HACD2: variants seen among roughly 807,000 people sequenced by gnomAD.
The protein encoded by HACD2 is very-long-chain (3R)-3-hydroxyacyl-CoA dehydratase 2.
HACD2 carries 15 observed loss-of-function variants against 31.0 expected under a neutral mutation model. That is an observed-to-expected ratio of 0.48 (90% CI 0.32 to 0.75). HACD2 has a LOEUF of 0.75. HACD2 is among the 30% of genes least tolerant of loss of function. HACD2 has a pLI of 0.03. For synonymous variants in HACD2, 115 were observed against 122.2 expected (o/e 0.94, Z 0.39); for missense variants, 283 against 313.0 (o/e 0.90, Z 0.72).
At position 123,569,988 on chromosome 3, in the gene HACD2, C is replaced by CAAAAAAAAAA. The variant is rs55844728; in HGVS notation, c.274-2218_274-2209dup. 2.6e-4 allele frequency among the ~76,000 whole-genome samples: 10 copies of CAAAAAAAAAA among 38,712 alleles called. 2 individuals carry two copies. Among genetic ancestry groups the CAAAAAAAAAA allele is most frequent in the Non-Finnish European group, 3.5e-4 (7 of 20,222 alleles). The allele number at this position is 38,712 out of a possible 152,430, so 25.4% of individuals were successfully genotyped here. A position where few individuals can be genotyped will look rare whatever the true frequency, so the allele number is the denominator to read the frequency against. ...TGGGCGAGAGAGCAACACTCCATCT[C>CAAAAAAAAAA]AAAAAAAAAAAAAAAAAAAAAAAAA... On this transcript the variant is annotated intron_variant, in intron 2 of 6. Transcript: ENST00000383657.
intron 2 of HACD2, among the ~76,000 whole-genome samples, chr3:123,580,382 G>A (rs1469019068): frequency 1.3e-5 from 2 of 152,064 alleles, no homozygotes; most frequent in African/African-American, 4.8e-5. Flanking sequence ...AGGATGAGGT[G>A]GGAGGATGGC....
chr3:123,556,899 C>T (rs1249396998), intron 3 of HACD2, among the ~76,000 whole-genome samples: 1 of 152,252 alleles, frequency 6.6e-6, no homozygotes, highest in East Asian at 1.9e-4. Flanking sequence ...ACAACTACCA[C>T]TACACGCCTA....
At position 123,502,597 on chromosome 3, in the gene HACD2, G is replaced by T; in HGVS notation, c.466C>A (p.Leu156Ile). 1 of 1,611,240 alleles carries T rather than the reference G, an allele frequency of 6.2e-7. No individual in the cohort carries two copies. Among genetic ancestry groups the T allele is most frequent in the South Asian group, 1.1e-5 (1 of 90,164 alleles). The change falls in exon 5 of 7, where the codon CTA (leucine) becomes ATA (isoleucine). Residue 156 changes from leucine to isoleucine, a missense_variant. Coordinates refer to ENST00000383657, the MANE Select transcript of HACD2 (RefSeq NM_198402.5). Reference protein sequence around the residue: ...IIRYSFYTFSLLNHLPYLIKW... With the variant: ...IIRYSFYTFSILNHLPYLIKW... ...ATGAGGTAAGGCAGATGGTTTAATA[G>T]ACTGAATGTATAAAAGGAGTAACGG...
chr3:123,549,796 G>A (rs1432088781), intron 3 of HACD2, among the ~76,000 whole-genome samples: 1 of 152,108 alleles, frequency 6.6e-6, no homozygotes, highest in Non-Finnish European at 1.5e-5. Flanking sequence ...GCTGCTGCTT[G>A]CAGACTGACA....
At chr3:123,568,062 G>A (rs903525224) in intron 2 of HACD2, among the ~76,000 whole-genome samples, 7 of 152,102 alleles carry the variant, frequency 4.6e-5, no homozygotes, top group African/African-American at 1.7e-4. Context: ...AGATATCAAG[G>A]GCTCTTTCAT....
intron 2 of HACD2, among the ~76,000 whole-genome samples, chr3:123,571,252 T>C (rs1386868169): frequency 6.6e-6 from 1 of 152,224 alleles, no homozygotes; most frequent in Non-Finnish European, 1.5e-5. Flanking sequence ...GGCAGCATTC[T>C]TAAGGCGATC....
intron 2 of HACD2, among the ~76,000 whole-genome samples, chr3:123,581,562 G>C (rs1387802834): frequency 6.6e-6 from 1 of 152,172 alleles, no homozygotes; most frequent in African/African-American, 2.4e-5. Context: ...GAGAAAGCAA[G>C]AGAATCTGGC....
rs1047899827 is a variant in HACD2, at chr3:123,567,742, G to C, written c.292+20C>G. ...AAGCAGAATTCACTGTACATAGTAG[G>C]GGGGAATATCCATACTTACCTATAG... On this transcript the variant is annotated intron_variant, in intron 3 of 6. Transcript: ENST00000383657. 1.4e-6 allele frequency: 2 copies of C among 1,434,696 alleles called. No individual in the cohort carries two copies. Among genetic ancestry groups the C allele is most frequent in the Non-Finnish European group, 1.9e-6 (2 of 1,071,568 alleles). The allele number at this position is 1,434,696 out of a possible 1,614,324, so 88.9% of individuals were successfully genotyped here.
rs113037334 is a variant in HACD2 at position 123,540,194 on chromosome 3, T to C, written c.293-11720A>G. On this transcript the variant is annotated intron_variant, in intron 3 of 6. Transcript: ENST00000383657. ...CTGTACTGGTTTCTAGTTCACTGGA[T>C]GTACTTTATTCATTTTCTTTTCTAC... 3.5e-3 allele frequency among the ~76,000 whole-genome samples: 538 copies of C among 152,230 alleles called. 3 individuals are homozygous for C. The highest frequency in any genetic ancestry group is 8.7e-3 in the Admixed American group (133 of 15,294).
rs1421323359 is a variant in HACD2, at chr3:123,582,327, C to T, written c.158G>A (p.Trp53Ter). The change falls in exon 2 of 7, where the codon TGG becomes TAG. Residue 53 changes from tryptophan (W) to a stop codon, truncating the protein, a stop_gained and splice_region_variant. Transcript: ENST00000383657. LOFTEE classifies it high-confidence loss of function. ...GACCAGACCAACCGCTATAACCAGC[C>T]ACCTAGTAAAAGAGAAAACAGCAAT... ...VIYNVVMTAG[W>*]LVIAVGLVRA... 1 of 1,566,342 alleles carries T rather than the reference C, an allele frequency of 6.4e-7. No individual in the cohort carries two copies. Among genetic ancestry groups the T allele is most frequent in the Non-Finnish European group, 8.6e-7 (1 of 1,158,972 alleles).
chr3:123,502,081 G>C (rs2055908972), intron 5 of HACD2, among the ~76,000 whole-genome samples: 1 of 152,100 alleles, frequency 6.6e-6, no homozygotes, highest in South Asian at 2.1e-4. Context: ...CAAAACAAAA[G>C]TGATAAGCTA....
chr3:123,514,185 G>A (rs1223940107), intron 4 of HACD2, among the ~76,000 whole-genome samples: 2 of 152,150 alleles, frequency 1.3e-5, no homozygotes, highest in African/African-American at 4.8e-5. Context: ...TGAGGTGGGA[G>A]AATCGCTTGA....
chr3:123,534,798 T>TTTTGTGTGTGTGTGTGTG (rs2056405574), intron 3 of HACD2, among the ~76,000 whole-genome samples: 1 of 149,090 alleles, frequency 6.7e-6, no homozygotes, highest in Non-Finnish European at 1.5e-5. Flanking sequence ...AGACGTAGGC[T>TTTTGTGTGTGTGTGTGTG]TGTGTGTGTG....
At chr3:123,501,716 T>C (rs1313517776) in intron 5 of HACD2, among the ~76,000 whole-genome samples, 1 of 152,218 alleles carries the variant, frequency 6.6e-6, no homozygotes, top group African/African-American at 2.4e-5. Flanking sequence ...CTGTCCAGGT[T>C]GGTTAGTAAC....
intron 4 of HACD2, among the ~76,000 whole-genome samples, chr3:123,517,447 G>A (rs1287151904): frequency 1.3e-5 from 2 of 152,202 alleles, no homozygotes; most frequent in African/African-American, 4.8e-5. Context: ...TCAGAATGGA[G>A]TCATATTTAA....
intron 1 of HACD2, 86 bp from the exon 2 acceptor site, chr3:123,582,415 A>T (rs969751023): frequency 2.2e-5 from 19 of 866,318 alleles, no homozygotes; most frequent in Admixed American, 3.2e-5. Context: ...GCAATAAAAG[A>T]TATTGCTAAA....
At chr3:123,583,372 G>A (rs1000957462) in intron 1 of HACD2, among the ~76,000 whole-genome samples, 2 of 152,078 alleles carry the variant, frequency 1.3e-5, no homozygotes, top group African/African-American at 4.8e-5. Flanking sequence ...ACCGGCTCTT[G>A]CTAAGACAAC....
At chr3:123,519,917 C>G (rs902610525) in intron 4 of HACD2, among the ~76,000 whole-genome samples, 2 of 152,224 alleles carry the variant, frequency 1.3e-5, no homozygotes, top group Admixed American at 1.3e-4. Flanking sequence ...AATCACCTCA[C>G]TTTTACAGTG....
At chr3:123,500,778 G>C in intron 5 of HACD2, 85 bp from the exon 6 acceptor site, 1 of 746,064 alleles carries the variant, frequency 1.3e-6, no homozygotes, top group East Asian at 2.8e-5. Context: ...AATCAGTACT[G>C]GTCTTTTAGA....
Sources: gnomAD v4.1 joint callset for allele counts (sites outside exome capture counted in the v4.1 genomes callset) on GRCh38, gnomAD v4.1.1 for gene constraint, MANE v1.5 for transcripts, NCBI Gene and HGNC (gene_info 2026-07-23, HGNC 2026-07-21) for gene names.